The following SLC35F3 variants were observed in gnomAD, a reference collection of about 807,000 sequenced individuals.
SLC35F3 encodes the protein putative thiamine transporter SLC35F3.
A neutral mutation model predicts 49.9 loss-of-function variants in SLC35F3; 25 were observed. That is an observed-to-expected ratio of 0.50 (90% CI 0.37 to 0.70). The LOEUF is 0.70. Ranked by LOEUF, SLC35F3 falls within the 30% of genes least tolerant of loss-of-function variation. The probability of loss-of-function intolerance (pLI) is 0.00; values close to 1 mark genes in which losing one functional copy is unlikely to be tolerated. For missense variants in SLC35F3, 525 were observed against 639.8 expected, an observed-to-expected ratio of 0.82 and a Z score of 1.94; for synonymous variants, 275 against 265.4, an observed-to-expected ratio of 1.04 and a Z score of -0.35.
chr1:234,039,163 G>A (rs1382672736), intron 2 of SLC35F3, among the ~76,000 whole-genome samples: 1 of 152,176 alleles, frequency 6.6e-6, no homozygotes, highest in Middle Eastern at 3.2e-3. Flanking sequence ...CATCTGCAGA[G>A]TGAGTTTAGA....
intron 2 of SLC35F3, among the ~76,000 whole-genome samples, chr1:234,042,553 G>A (rs6695594): frequency 0.75 from 113,446 of 152,096 alleles, 43,425 homozygotes; most frequent in African/African-American, 0.91. Context: ...TTCAACATCA[G>A]TTAAAGAGCA....
At chr1:234,104,459 G>T (rs1012813031) in intron 2 of SLC35F3, among the ~76,000 whole-genome samples, 5 of 152,068 alleles carry the variant, frequency 3.3e-5, no homozygotes, top group African/African-American at 4.8e-5. Flanking sequence ...AAAGATAAAA[G>T]ATTACACTGA....
chr1:234,155,158 G>A (rs879558097), intron 2 of SLC35F3, among the ~76,000 whole-genome samples: 5 of 151,832 alleles, frequency 3.3e-5, no homozygotes, highest in Non-Finnish European at 5.9e-5. Flanking sequence ...TTTTCAATCC[G>A]TAGTTGGTTG....
intron 2 of SLC35F3, among the ~76,000 whole-genome samples, chr1:233,994,080 C>A (rs1189574215): frequency 1.3e-5 from 2 of 152,142 alleles, no homozygotes; most frequent in Non-Finnish European, 1.5e-5. Context: ...AGGCCAAGTT[C>A]CTGACAGATA....
intron 2 of SLC35F3, among the ~76,000 whole-genome samples, chr1:233,946,964 T>C (rs539689624): frequency 1.8e-4 from 28 of 152,284 alleles, no homozygotes; most frequent in African/African-American, 6.7e-4. Flanking sequence ...GGATTAAATT[T>C]TGGGCAAAAT....
At chr1:234,218,726 G>C (rs1196312516) in intron 2 of SLC35F3, among the ~76,000 whole-genome samples, 1 of 152,158 alleles carries the variant, frequency 6.6e-6, no homozygotes. Flanking sequence ...GAGTAGGAGA[G>C]AGAATTATAT....
At chr1:234,238,499 A>G (rs552552662) in intron 3 of SLC35F3, among the ~76,000 whole-genome samples, 2 of 152,326 alleles carry the variant, frequency 1.3e-5, no homozygotes, top group Admixed American at 1.3e-4. Flanking sequence ...CACATGCCCC[A>G]GATTGTGACA....
At chr1:234,138,833 G>A (rs984651784) in intron 2 of SLC35F3, among the ~76,000 whole-genome samples, 11 of 152,278 alleles carry the variant, frequency 7.2e-5, no homozygotes, top group African/African-American at 2.2e-4. Context: ...TTATACAGGC[G>A]AGAGCCACTG....
intron 3 of SLC35F3, among the ~76,000 whole-genome samples, chr1:234,297,546 A>T (rs1467718222): frequency 6.6e-6 from 1 of 152,198 alleles, no homozygotes; most frequent in East Asian, 1.9e-4. Flanking sequence ...AAAGGGACAA[A>T]TACTATATGA....
intron 2 of SLC35F3, among the ~76,000 whole-genome samples, chr1:234,096,595 T>C (rs72756202): frequency 0.12 from 18,745 of 152,188 alleles, 1,447 homozygotes; most frequent in Middle Eastern, 0.21. Context: ...TTGTTCTGCA[T>C]AGCTGGAACA....
chr1:234,096,240 T>G (rs1239214922), intron 2 of SLC35F3, among the ~76,000 whole-genome samples: 5 of 151,846 alleles, frequency 3.3e-5, no homozygotes, highest in Non-Finnish European at 7.4e-5. Flanking sequence ...CAGGAAACAT[T>G]AGCAAAATGT....
intron 2 of SLC35F3, among the ~76,000 whole-genome samples, chr1:233,963,340 G>A (rs1171287445): frequency 2.0e-5 from 3 of 147,154 alleles, no homozygotes; most frequent in South Asian, 2.2e-4. Context: ...TCGCTCTGTC[G>A]CCCAGACTGG....
intron 2 of SLC35F3, among the ~76,000 whole-genome samples, chr1:234,030,077 C>G (rs1664036579): frequency 6.6e-6 from 1 of 152,158 alleles, no homozygotes; most frequent in Non-Finnish European, 1.5e-5. Context: ...ATGTAGCACT[C>G]AGCTCTAATA....
At chr1:234,076,661 A>T (rs187550010) in intron 2 of SLC35F3, among the ~76,000 whole-genome samples, 3 of 151,792 alleles carry the variant, frequency 2.0e-5, no homozygotes, top group Non-Finnish European at 4.4e-5. Context: ...GGGTTTCACC[A>T]TGTTGGCCAG....
chr1:234,299,621 C>T (rs547087372), intron 3 of SLC35F3, among the ~76,000 whole-genome samples: 19 of 151,896 alleles, frequency 1.3e-4, no homozygotes, highest in East Asian at 7.7e-4. Context: ...CTGGCTAACA[C>T]GGTGAAACCC....
At chr1:234,161,813 T>C (rs1342159744) in intron 2 of SLC35F3, among the ~76,000 whole-genome samples, 1 of 151,904 alleles carries the variant, frequency 6.6e-6, no homozygotes, top group Admixed American at 6.6e-5. Flanking sequence ...CTCAAAAAAA[T>C]ATATATCAAA....
intron 2 of SLC35F3, among the ~76,000 whole-genome samples, chr1:233,937,578 T>C (rs567896856): frequency 6.6e-6 from 1 of 152,328 alleles, no homozygotes; most frequent in South Asian, 2.1e-4. Context: ...AGTGCCCCAC[T>C]GGAGTTGTTT....
intron 2 of SLC35F3, among the ~76,000 whole-genome samples, chr1:234,229,156 C>T (rs1298047283): frequency 1.3e-5 from 2 of 152,208 alleles, no homozygotes; most frequent in Non-Finnish European, 2.9e-5. Context: ...TCCATTGACC[C>T]TGAATATTCC....
chr1:234,247,024 G>A (rs1572113198), intron 3 of SLC35F3, among the ~76,000 whole-genome samples: 1 of 152,342 alleles, frequency 6.6e-6, no homozygotes, highest in African/African-American at 2.4e-5. Context: ...CCAAGTTCAA[G>A]ACCCAGTTAC....
Sources: gnomAD v4.1 joint callset for allele counts (sites outside exome capture counted in the v4.1 genomes callset) on GRCh38, gnomAD v4.1.1 for gene constraint, MANE v1.5 for transcripts, NCBI Gene and HGNC (gene_info 2026-07-23, HGNC 2026-07-21) for gene names.